INPP4A: variants seen among roughly 807,000 people sequenced by gnomAD.
INPP4A encodes inositol polyphosphate-4-phosphatase type I A.
In INPP4A, 33 loss-of-function variants were observed where a neutral mutation model predicts 119.8. That is an observed-to-expected ratio of 0.28 (90% CI 0.21 to 0.37). The LOEUF is 0.37. INPP4A is among the 10% of genes least tolerant of loss of function. INPP4A has a pLI of 1.00. For missense variants in INPP4A, 956 were observed against 1,289.9 expected (o/e 0.74, Z 3.97); for synonymous variants, 496 against 500.7 (o/e 0.99, Z 0.12).
intron 1 of INPP4A, among the ~76,000 whole-genome samples, chr2:98,503,011 A>G (rs1367402698): frequency 6.6e-6 from 1 of 152,062 alleles, no homozygotes; most frequent in African/African-American, 2.4e-5. Flanking sequence ...GACCTTTAGA[A>G]CCCCTGGAGA....
intron 1 of INPP4A, among the ~76,000 whole-genome samples, chr2:98,513,952 C>T (rs1395791058): frequency 6.6e-6 from 1 of 152,144 alleles, no homozygotes; most frequent in African/African-American, 2.4e-5. Context: ...GCCCTGAAGC[C>T]CCCAAGGGTC....
At chr2:98,487,000 C>G (rs1421201284) in intron 1 of INPP4A, among the ~76,000 whole-genome samples, 1 of 152,218 alleles carries the variant, frequency 6.6e-6, no homozygotes, top group Admixed American at 6.5e-5. Flanking sequence ...GGAAAAAAAG[C>G]AAAGACTAGT....
At chr2:98,457,978 A>ATTTTTTTTTTTTTTTTTTTTTTTT (rs766066774) in intron 1 of INPP4A, among the ~76,000 whole-genome samples, 1 of 137,146 alleles carries the variant, frequency 7.3e-6, no homozygotes. Flanking sequence ...TTAAACAAAA[A>ATTTTTTTTTTTTTTTTTTTTTTTT]TTTTTTTTTT....
In INPP4A at chr2:98,576,973, A is replaced by G. The variant is rs369632600; in HGVS notation, c.2632-16A>G. 364 of 1,607,438 alleles carry G rather than the reference A, an allele frequency of 2.3e-4. 4 individuals carry two copies. In the South Asian group the frequency reaches 3.8e-3, roughly 17 times the overall value. ...GGAGCCTCGCCTCTAAGCACGGCCCATGTTTCTGTTGGCAGATCTGCCGCC... is the reference window on the plus strand; with the variant it reads ...GGAGCCTCGCCTCTAAGCACGGCCCGTGTTTCTGTTGGCAGATCTGCCGCC... On this transcript the variant is annotated splice_polypyrimidine_tract_variant and intron_variant, in intron 23 of 24. Coordinates refer to ENST00000409851, the MANE Select transcript of INPP4A (RefSeq NM_001134225.2).
chr2:98,476,899 C>T (rs1185982748), intron 1 of INPP4A, among the ~76,000 whole-genome samples: 9 of 152,248 alleles, frequency 5.9e-5, no homozygotes, highest in Admixed American at 5.9e-4. Flanking sequence ...TCTGGGTACT[C>T]ACAGCCCCTT....
chr2:98,464,977 G>A (rs970277520), intron 1 of INPP4A, among the ~76,000 whole-genome samples: 1 of 152,206 alleles, frequency 6.6e-6, no homozygotes, highest in African/African-American at 2.4e-5. Context: ...TTGAGGATGG[G>A]TTGGTGGCCC....
chr2:98,460,476 A>C (rs930485863), intron 1 of INPP4A, among the ~76,000 whole-genome samples: 17 of 152,180 alleles, frequency 1.1e-4, no homozygotes, highest in Non-Finnish European at 2.5e-4. Context: ...TTCATCCCAC[A>C]CTGGAGGGTG....
chr2:98,544,059 ACACACTCT>A (rs1027608828), intron 11 of INPP4A, 52 bp downstream of exon 11: 32 of 1,486,028 alleles, frequency 2.2e-5, no homozygotes, highest in African/African-American at 2.8e-5. Context: ...ACACACACAC[ACACACTCT>A]CACTCTCACT....
rs113808270 is a variant in INPP4A, at chr2:98,552,272, T to G, written c.1164-514T>G. 4.8e-3 allele frequency among the ~76,000 whole-genome samples: 727 copies of G among 152,364 alleles called. 6 individuals carry two copies. The highest frequency in any genetic ancestry group is 0.017 in the African/African-American group (696 of 41,582). On this transcript the variant is annotated intron_variant, in intron 13 of 24. Transcript: ENST00000409851. ...TCAGACATGAGAGGAAGGACGACTG[T>G]GGGTATGTTCACAGGGAGCTTGAAT...
intron 1 of INPP4A, among the ~76,000 whole-genome samples, chr2:98,516,713 G>C (rs533468738): frequency 3.3e-5 from 5 of 152,218 alleles, no homozygotes; most frequent in African/African-American, 1.2e-4. Context: ...GTCATGCCTG[G>C]GGTGCTGCCC....
intron 1 of INPP4A, among the ~76,000 whole-genome samples, chr2:98,446,205 G>T (rs545277381): frequency 5.2e-4 from 79 of 152,354 alleles, no homozygotes; most frequent in African/African-American, 1.5e-3. Flanking sequence ...TGCTGTTGGC[G>T]TTGGCCAGTG....
At position 98,587,633 on chromosome 2, in the gene INPP4A, G is replaced by C; in HGVS notation, c.*25G>C. ...AACACACGGTTTCCTCTAATTAGCTGTTACATAATAAATGTGGGTACCCTC... is the reference window on the plus strand; with the variant it reads ...AACACACGGTTTCCTCTAATTAGCTCTTACATAATAAATGTGGGTACCCTC... On this transcript the variant is annotated 3_prime_UTR_variant, in exon 25 of 25. Transcript: ENST00000409851. The C allele has an allele frequency of 6.4e-7, 1 of 1,571,264 alleles. No individual in the cohort carries two copies. Among genetic ancestry groups the C allele is most frequent in the Non-Finnish European group, 8.6e-7 (1 of 1,161,570 alleles).
At position 98,474,575 on chromosome 2, in the gene INPP4A, A is replaced by C. The variant is rs569064963; in HGVS notation, c.-166+29490A>C. 2.0e-5 allele frequency among the ~76,000 whole-genome samples: 3 copies of C among 152,324 alleles called. No individual in the cohort carries two copies. The East Asian group carries it at 5.8e-4, about 29-fold the overall frequency. On this transcript the variant is annotated intron_variant, in intron 1 of 24. Transcript: ENST00000409851. ...CGGGCCCTCCTGCTTGGTGAGTGAC[A>C]GACAAGACCCAAACCAGGCTTCTGG...
intron 19 of INPP4A, 62 bp from the exon 20 acceptor site, chr2:98,565,578 C>A: frequency 6.5e-7 from 1 of 1,537,316 alleles, no homozygotes; most frequent in South Asian, 1.2e-5. Context: ...CTGCCTTCTG[C>A]TGAGACTGGG....
intron 17 of INPP4A, among the ~76,000 whole-genome samples, chr2:98,561,598 C>G (rs2106310265): frequency 6.6e-6 from 1 of 152,178 alleles, no homozygotes; most frequent in African/African-American, 2.4e-5. Context: ...CCTAATGTAG[C>G]GAAGCAATCG....
At chr2:98,559,696 C>T (rs969747333) in intron 17 of INPP4A, among the ~76,000 whole-genome samples, 54 of 152,344 alleles carry the variant, frequency 3.5e-4, no homozygotes, top group Admixed American at 3.2e-3. Context: ...TGGCCTGAGG[C>T]AGACTACCAC....
chr2:98,476,468 A>G (rs1677226871), intron 1 of INPP4A, among the ~76,000 whole-genome samples: 1 of 152,146 alleles, frequency 6.6e-6, no homozygotes, highest in African/African-American at 2.4e-5. Context: ...CGCTCTGGGG[A>G]AGAGCTCTCC....
chr2:98,567,256 C>T (rs1037675694), intron 21 of INPP4A, among the ~76,000 whole-genome samples: 3 of 152,020 alleles, frequency 2.0e-5, no homozygotes, highest in African/African-American at 7.3e-5. Context: ...GGCTGGGGAA[C>T]TGTTAAAGTG....
intron 13 of INPP4A, among the ~76,000 whole-genome samples, chr2:98,552,266 C>T (rs911095109): frequency 2.0e-5 from 3 of 152,176 alleles, no homozygotes; most frequent in East Asian, 1.9e-4. Context: ...AGAGGAAGGA[C>T]GACTGTGGGT....
Sources: allele counts gnomAD v4.1 joint callset (sites outside exome capture counted in the v4.1 genomes callset), GRCh38; gene constraint gnomAD v4.1.1; transcripts MANE v1.5; gene names NCBI Gene and HGNC (gene_info 2026-07-23, HGNC 2026-07-21).